The following BRF1 variants were observed in gnomAD, a reference collection of about 807,000 sequenced individuals.
BRF1 encodes transcription factor IIIB 90 kDa subunit.
BRF1 carries 59 observed loss-of-function variants against 81.7 expected under a neutral mutation model. That is an observed-to-expected ratio of 0.72 (90% CI 0.59 to 0.90). The LOEUF (loss-of-function observed/expected upper bound fraction) is 0.90. BRF1 is among the 40% of genes least tolerant of loss of function. The pLI, the probability that BRF1 is intolerant of heterozygous loss-of-function variation, is 0.00. For missense variants in BRF1, 1,050 were observed against 936.3 expected, an observed-to-expected ratio of 1.12 and a Z score of -1.58; for synonymous variants, 491 against 395.6, an observed-to-expected ratio of 1.24 and a Z score of -2.86.
rs142502252 is a variant in BRF1, at chr14:105,224,670, C to T, written c.1048+1399G>A. Among the ~76,000 whole-genome samples, 1,310 of 152,282 alleles carry T rather than the reference C, an allele frequency of 8.6e-3. 7 individuals are homozygous for T. The highest frequency in any genetic ancestry group is 0.014 in the Non-Finnish European group (945 of 68,032). ...TCAAGTGATCCTCCGGCCTCAGCCT[C>T]CCGAGGAGCTGGGACTACAGGTGCA... On this transcript the variant is annotated intron_variant, in intron 10 of 17. Transcript: ENST00000547530.
At chr14:105,211,478 G>C in intron 16 of BRF1, 185 bp from the exon 17 acceptor site, 1 of 584,168 alleles carries the variant, frequency 1.7e-6, no homozygotes, top group Non-Finnish European at 3.0e-6. Context: ...TGTGCCATGA[G>C]CTGTGTCAGC....
At chr14:105,225,461 C>G (rs1892935243) in intron 10 of BRF1, among the ~76,000 whole-genome samples, 1 of 152,178 alleles carries the variant, frequency 6.6e-6, no homozygotes, top group Non-Finnish European at 1.5e-5. Flanking sequence ...TCAGCATTAA[C>G]ATCAAAACAC....
rs1391987189 is a variant in BRF1 at position 105,209,750 on chromosome 14, A to G, written c.*801T>C. On this transcript the variant is annotated 3_prime_UTR_variant, in exon 18 of 18. Coordinates refer to ENST00000547530, the MANE Select transcript of BRF1 (RefSeq NM_001519.4). ...AGGACACTATGCAGGCTATGCCCGC[A>G]CTGCCTACAGAGCTATGCTCAGGAC... The G allele has an allele frequency of 3.3e-6, 2 of 597,260 alleles. No homozygotes were observed. The highest frequency in any genetic ancestry group is 2.8e-5 in the East Asian group (1 of 35,414). The allele number at this position is 597,260 out of a possible 1,614,324, so 37.0% of individuals were successfully genotyped here. A position where few individuals can be genotyped will look rare whatever the true frequency, so the allele number is the denominator to read the frequency against.
chr14:105,211,379 A>C, intron 16 of BRF1, 86 bp from the exon 17 acceptor site: 1 of 1,286,622 alleles, frequency 7.8e-7, no homozygotes, highest in South Asian at 1.6e-5. Flanking sequence ...GGGCTGGCCC[A>C]GGATGCTCAG....
intron 7 of BRF1, chr14:105,227,000 G>C: frequency 2.1e-6 from 1 of 483,156 alleles, no homozygotes; most frequent in Non-Finnish European, 3.6e-6. Flanking sequence ...TGTAGTTTCT[G>C]CTACTTGGGA....
intron 2 of BRF1, among the ~76,000 whole-genome samples, chr14:105,280,712 C>T: frequency 6.6e-6 from 1 of 152,020 alleles, no homozygotes; most frequent in Non-Finnish European, 1.5e-5. Flanking sequence ...GATCCTGAGT[C>T]CGGGTGTGCG....
chr14:105,304,845 G>A (rs587664342), upstream of BRF1, among the ~76,000 whole-genome samples: 9 of 152,314 alleles, frequency 5.9e-5, no homozygotes, highest in African/African-American at 9.6e-5. Flanking sequence ...GTCAGATCTC[G>A]TGAGACTTAT....
intron 5 of BRF1, among the ~76,000 whole-genome samples, chr14:105,246,158 G>T (rs1208380122): frequency 6.6e-6 from 1 of 151,864 alleles, no homozygotes; most frequent in South Asian, 2.1e-4. Flanking sequence ...CTGGAAGGCG[G>T]ATGTTGCAGT....
At chr14:105,224,704 T>C (rs10149868) in intron 10 of BRF1, among the ~76,000 whole-genome samples, 61,822 of 152,002 alleles carry the variant, frequency 0.41, 16,535 homozygotes, top group African/African-American at 0.77. Context: ...CACACTCCCA[T>C]GCCCAGCTAA....
chr14:105,218,319 C>T (rs1021022610), intron 14 of BRF1, among the ~76,000 whole-genome samples: 1 of 152,190 alleles, frequency 6.6e-6, no homozygotes, highest in Admixed American at 6.5e-5. Flanking sequence ...TGCTGCCCCC[C>T]GCTGCACGAT....
rs1341400472 is a variant in BRF1, at chr14:105,271,580, G to A, written c.439+1141C>T. On this transcript the variant is annotated intron_variant, in intron 3 of 17. Transcript: ENST00000547530. This position sits in a 1 kb window ranked among gnomAD's most constrained non-coding sequence, Gnocchi z 5.5. ...GCACCTCACAAGATGAGGAGGGTGTGGACCAGGAAGCGGGGAGTCCCCAGA... is the reference window on the plus strand; with the variant it reads ...GCACCTCACAAGATGAGGAGGGTGTAGACCAGGAAGCGGGGAGTCCCCAGA... 6.6e-6 allele frequency among the ~76,000 whole-genome samples: 1 copy of A among 152,224 alleles called. No individual in the cohort carries two copies. Among genetic ancestry groups the A allele is most frequent in the Non-Finnish European group, 1.5e-5 (1 of 68,042 alleles).
chr14:105,279,182 C>A (rs2056967657), intron 2 of BRF1, among the ~76,000 whole-genome samples: 1 of 152,056 alleles, frequency 6.6e-6, no homozygotes, highest in Non-Finnish European at 1.5e-5. Context: ...GCACTCCAGC[C>A]CGGACCACAG....
At chr14:105,281,255 C>G (rs2057084714) in intron 2 of BRF1, among the ~76,000 whole-genome samples, 1 of 135,172 alleles carries the variant, frequency 7.4e-6, no homozygotes, top group African/African-American at 2.9e-5. Context: ...GTGGATACAG[C>G]CTGCGTGACC....
At chr14:105,308,526 G>A (rs191039442) in intron 1 of BRF1, among the ~76,000 whole-genome samples, 1,955 of 143,310 alleles carry the variant, frequency 0.014, 51 homozygotes, top group African/African-American at 0.05. Flanking sequence ...TCTGTCGTCC[G>A]GGCTGGAGTG....
intron 6 of BRF1, among the ~76,000 whole-genome samples, 179 bp downstream of exon 6, chr14:105,241,086 C>G (rs587709891): frequency 1.3e-5 from 2 of 152,224 alleles, no homozygotes; most frequent in African/African-American, 4.8e-5. Context: ...ACGGGGCAGC[C>G]AGGAGGTCCT....
At chr14:105,221,531 C>G in intron 11 of BRF1, 117 bp downstream of exon 11, 2 of 1,422,070 alleles carry the variant, frequency 1.4e-6, no homozygotes, top group East Asian at 2.6e-5. Context: ...GCCCACCGCC[C>G]GAGACCACCA....
upstream of BRF1, among the ~76,000 whole-genome samples, chr14:105,305,606 G>A (rs1386989591): frequency 6.6e-6 from 1 of 152,298 alleles, no homozygotes; most frequent in South Asian, 2.1e-4. Flanking sequence ...ATTGCAGTGT[G>A]AACCAACTGA....
At chr14:105,267,308 CT>C (rs769487018) in intron 3 of BRF1, among the ~76,000 whole-genome samples, 352 of 145,246 alleles carry the variant, frequency 2.4e-3, no homozygotes, top group Middle Eastern at 3.6e-3. Flanking sequence ...GAAATGGCAA[CT>C]TTTTTTTTTT....
In BRF1 at chr14:105,210,707, G is replaced by GC. The variant is rs1889975749; in HGVS notation, c.1997-120dup. 2.8e-6 allele frequency: 3 copies of GC among 1,066,414 alleles called. No individual in the cohort carries two copies. Among genetic ancestry groups the GC allele is most frequent in the Non-Finnish European group, 4.0e-6 (3 of 757,248 alleles). The allele number at this position is 1,066,414 out of a possible 1,614,324, so 66.1% of individuals were successfully genotyped here. On this transcript the variant is annotated intron_variant, in intron 17 of 17. Transcript: ENST00000547530. This position sits in a 1 kb window ranked among gnomAD's most constrained non-coding sequence, Gnocchi z 4.7. Reference sequence around the variant, plus strand: ...GACTCAGGCTCCAGCCCCAGCCCCAGCCCCCCGCGCCCCGCCAGGAGCCAT... The same window carrying GC: ...GACTCAGGCTCCAGCCCCAGCCCCAGCCCCCCCGCGCCCCGCCAGGAGCCAT...
Sources: allele counts gnomAD v4.1 joint callset (sites outside exome capture counted in the v4.1 genomes callset), GRCh38; gene constraint gnomAD v4.1.1; non-coding constraint Gnocchi (gnomAD v3.1); transcripts MANE v1.5; gene names NCBI Gene and HGNC (gene_info 2026-07-23, HGNC 2026-07-21).